The following CADM2 variants were observed in gnomAD, a reference collection of about 807,000 sequenced individuals.
CADM2 encodes the protein immunoglobulin superfamily member 4D.
CADM2 carries 12 observed loss-of-function variants against 49.8 expected under a neutral mutation model. That is an observed-to-expected ratio of 0.24 (90% CI 0.15 to 0.39). CADM2 has a LOEUF of 0.39. CADM2 is among the 10% of genes least tolerant of loss of function. The pLI is 1.00. For synonymous variants in CADM2, 214 were observed against 175.4 expected (o/e 1.22, Z -1.74); for missense variants, 378 against 492.3 (o/e 0.77, Z 2.20).
chr3:85,606,622 T>C (rs114018275), intron 1 of CADM2, among the ~76,000 whole-genome samples: 3,257 of 152,206 alleles, frequency 0.021, 109 homozygotes, highest in African/African-American at 0.074. Flanking sequence ...AATCAGAGAA[T>C]CAGGATACCC....
At chr3:85,282,203 T>C (rs2106892892) in intron 1 of CADM2, among the ~76,000 whole-genome samples, 1 of 151,480 alleles carries the variant, frequency 6.6e-6, no homozygotes, top group East Asian at 1.9e-4. Flanking sequence ...TAGATATTAT[T>C]GTCTGTGCTG....
intron 8 of CADM2, among the ~76,000 whole-genome samples, chr3:86,058,826 G>C (rs1475343095): frequency 6.6e-6 from 1 of 151,624 alleles, no homozygotes; most frequent in African/African-American, 2.4e-5. Context: ...AGACGCAGTG[G>C]CTCACACCTG....
chr3:85,099,829 T>C (rs2037943245), intron 1 of CADM2, among the ~76,000 whole-genome samples: 2 of 152,180 alleles, frequency 1.3e-5, no homozygotes, highest in Non-Finnish European at 2.9e-5. Flanking sequence ...AGCGATGGAA[T>C]GGGAGCTTTT....
At chr3:85,995,420 C>T (rs1447307292) in intron 8 of CADM2, among the ~76,000 whole-genome samples, 2 of 152,016 alleles carry the variant, frequency 1.3e-5, no homozygotes, top group Admixed American at 6.6e-5. Context: ...TTAAGTGACA[C>T]TCAAGGTATG....
intron 7 of CADM2, among the ~76,000 whole-genome samples, chr3:85,950,867 T>C (rs1436772875): frequency 6.6e-6 from 1 of 151,122 alleles, no homozygotes; most frequent in Non-Finnish European, 1.5e-5. Flanking sequence ...TTTTAAAAAC[T>C]TGTATAAGTA....
chr3:85,924,066 G>A (rs1719503737), intron 6 of CADM2, among the ~76,000 whole-genome samples: 1 of 152,104 alleles, frequency 6.6e-6, no homozygotes. Context: ...AAGAAACATA[G>A]TGTCACCAAA....
intron 3 of CADM2, among the ~76,000 whole-genome samples, chr3:85,855,891 G>T (rs1182129350): frequency 6.6e-6 from 1 of 151,986 alleles, no homozygotes; most frequent in Non-Finnish European, 1.5e-5. Context: ...CTCCGAAAGT[G>T]CTGGGATTAC....
At chr3:85,488,968 C>T (rs1207385840) in intron 1 of CADM2, among the ~76,000 whole-genome samples, 2 of 151,996 alleles carry the variant, frequency 1.3e-5, no homozygotes. Flanking sequence ...CTATGCATCA[C>T]TACTAAAATT....
intron 1 of CADM2, among the ~76,000 whole-genome samples, chr3:85,432,019 T>A (rs948791738): frequency 1.3e-5 from 2 of 148,822 alleles, no homozygotes; most frequent in African/African-American, 5.0e-5. Context: ...ATCTCTTGAA[T>A]GGAAATAAAA....
chr3:85,962,251 C>T (rs1724931463), intron 8 of CADM2, among the ~76,000 whole-genome samples: 1 of 151,916 alleles, frequency 6.6e-6, no homozygotes, highest in Admixed American at 6.6e-5. Context: ...TAAATGTGTT[C>T]ACTTATAATC....
intron 1 of CADM2, among the ~76,000 whole-genome samples, chr3:85,546,336 G>A (rs988458499): frequency 6.6e-6 from 1 of 152,062 alleles, no homozygotes. Context: ...TTCTTTGATA[G>A]CATCATCCAG....
chr3:85,523,216 TGGTGAGTTA>T (rs2061070508), intron 1 of CADM2, among the ~76,000 whole-genome samples: 1 of 152,092 alleles, frequency 6.6e-6, no homozygotes, highest in African/African-American at 2.4e-5. Context: ...CTTCAATATA[TGGTGAGTTA>T]ATAAGTGGCA....
chr3:85,037,881 T>G (rs544422574), intron 1 of CADM2, among the ~76,000 whole-genome samples: 2 of 152,280 alleles, frequency 1.3e-5, no homozygotes, highest in South Asian at 2.1e-4. Context: ...TATACTTTCT[T>G]GCTTTAACTT....
In CADM2 at chr3:85,912,521, C is replaced by G. The variant is rs747412372; in HGVS notation, c.678C>G (p.Ala226=). 6.2e-7 allele frequency: 1 copy of G among 1,613,598 alleles called. No individual in the cohort carries two copies. The highest frequency in any genetic ancestry group is 8.5e-7 in the Non-Finnish European group (1 of 1,179,748). ...HESLNATPQV[A]MQVLEIHYTP... is the part of the protein sequence containing the mutation. ...CCCTCAATGCCACCCCTCAGGTAGCCATGCAGGTGCTAGAAATACACTGTA... is the reference window on the plus strand; with the variant it reads ...CCCTCAATGCCACCCCTCAGGTAGCGATGCAGGTGCTAGAAATACACTGTA... Residue 226 remains alanine, a synonymous_variant, in exon 6 of 10, where the codon GCC becomes GCG. Coordinates refer to ENST00000383699, the MANE Select transcript of CADM2 (RefSeq NM_001167675.2).
chr3:85,039,010 T>C (rs1263737306), intron 1 of CADM2, among the ~76,000 whole-genome samples: 1 of 152,182 alleles, frequency 6.6e-6, no homozygotes, highest in Non-Finnish European at 1.5e-5. Flanking sequence ...TATGTTGTTT[T>C]CATTATTTTC....
intron 1 of CADM2, among the ~76,000 whole-genome samples, chr3:85,266,926 AT>A (rs1449294164): frequency 2.0e-5 from 3 of 151,790 alleles, no homozygotes; most frequent in African/African-American, 7.3e-5. Flanking sequence ...CAGTACTCTA[AT>A]TATGTTGAGA....
intron 1 of CADM2, among the ~76,000 whole-genome samples, chr3:85,650,268 G>C (rs1431976460): frequency 6.6e-6 from 1 of 152,172 alleles, no homozygotes; most frequent in Non-Finnish European, 1.5e-5. Context: ...GAAGTAAGGA[G>C]AAGCGCTTTT....
At chr3:85,566,089 G>T (rs1576818380) in intron 1 of CADM2, among the ~76,000 whole-genome samples, 1 of 152,058 alleles carries the variant, frequency 6.6e-6, no homozygotes, top group African/African-American at 2.4e-5. Flanking sequence ...TTAAAACTTT[G>T]TTTTGTTAAC....
At chr3:85,000,637 G>C (rs1006069317) in intron 1 of CADM2, among the ~76,000 whole-genome samples, 2 of 151,712 alleles carry the variant, frequency 1.3e-5, no homozygotes, top group Admixed American at 1.3e-4. Context: ...TGCAACTCTT[G>C]GTTCAACATT....
Sources: allele counts gnomAD v4.1 joint callset (sites outside exome capture counted in the v4.1 genomes callset), GRCh38; gene constraint gnomAD v4.1.1; transcripts MANE v1.5; gene names NCBI Gene and HGNC (gene_info 2026-07-23, HGNC 2026-07-21).